Variants in CACNA2D2 observed in about 807,000 individuals in gnomAD.
The protein encoded by CACNA2D2 is voltage-dependent calcium channel subunit alpha-2/delta-2.
CACNA2D2 carries 48 observed loss-of-function variants against 166.4 expected under a neutral mutation model. The observed-to-expected ratio is 0.29, with a 90% CI of 0.23 to 0.37. The LOEUF (loss-of-function observed/expected upper bound fraction) is 0.37, where lower values mean the gene tolerates loss of function less well. Ranked by LOEUF, CACNA2D2 falls within the 10% of genes least tolerant of loss-of-function variation. CACNA2D2 has a pLI of 1.00. For synonymous variants in CACNA2D2, 561 were observed against 573.7 expected, an observed-to-expected ratio of 0.98 and a Z score of 0.32; for missense variants, 1,122 against 1,433.0, an observed-to-expected ratio of 0.78 and a Z score of 3.50.
chr3:50,439,261 G>A (rs1046532662), intron 2 of CACNA2D2, among the ~76,000 whole-genome samples: 5 of 152,196 alleles, frequency 3.3e-5, no homozygotes, highest in African/African-American at 1.2e-4. Context: ...CCATGCTGGA[G>A]GGGAATGAGG....
rs552316874 is a variant in CACNA2D2 at position 50,419,489 on chromosome 3, A to C, written c.405+14824T>G. Among the ~76,000 whole-genome samples the C allele has an allele frequency of 1.1e-4, 16 of 152,252 alleles. No homozygotes were observed. The East Asian group carries it at 2.7e-3, about 26-fold the overall frequency. On this transcript the variant is annotated intron_variant, in intron 3 of 37. Coordinates refer to ENST00000424201, the MANE Select transcript of CACNA2D2 (RefSeq NM_006030.4). Reference sequence around the variant, plus strand: ...CGTTGGTGACCTTGAGGCCCATGACACCAAACCTGGGCTGCTTCTCACTTG... The same window carrying C: ...CGTTGGTGACCTTGAGGCCCATGACCCCAAACCTGGGCTGCTTCTCACTTG...
chr3:50,466,788 C>A (rs941737142), intron 2 of CACNA2D2, among the ~76,000 whole-genome samples: 1 of 152,266 alleles, frequency 6.6e-6, no homozygotes. Flanking sequence ...CATGACCCTG[C>A]CTTCCGGCCA....
At position 50,465,446 on chromosome 3, in the gene CACNA2D2, G is replaced by A. The variant is rs555136981; in HGVS notation, c.288+10672C>T. ...TCTCCCTGCACGATGATGCAGTGCA[G>A]TGGCAGGGCCAGGGGTCTTTGAGGG... is the stretch of plus-strand genomic sequence containing the variant. On this transcript the variant is annotated intron_variant, in intron 2 of 37. Transcript: ENST00000424201. Among the ~76,000 whole-genome samples, 165 of 152,326 alleles carry A rather than the reference G, an allele frequency of 1.1e-3. 3 individuals are homozygous for A. Among genetic ancestry groups the A allele is most frequent in the Non-Finnish European group, 5.0e-4 (34 of 68,034 alleles).
In CACNA2D2 at chr3:50,454,704, A is replaced by T. The variant is rs543625610; in HGVS notation, c.289-20275T>A. Among the ~76,000 whole-genome samples the T allele has an allele frequency of 1.8e-3, 267 of 151,344 alleles. 1 individual carries two copies. The highest frequency in any genetic ancestry group is 2.6e-3 in the Non-Finnish European group (177 of 67,710). On this transcript the variant is annotated intron_variant, in intron 2 of 37. Transcript: ENST00000424201. ...CTTATACTCGGTGAGCTAAAAAAAA[A>T]TTTTTTTTTTGATTGGAAAAGAGCC...
rs746572300 is a variant in CACNA2D2 at position 50,379,178 on chromosome 3, A to C, written c.1174T>G (p.Cys392Gly). The change falls in exon 12 of 38, where the codon TGC becomes GGC. Residue 392 changes from cysteine (C) to glycine (G), a missense_variant. Physicochemically the swap from Cys to Gly is radical, Grantham distance 159. Transcript: ENST00000424201. This position sits in a 1 kb window ranked among gnomAD's most constrained non-coding sequence, Gnocchi z 6.5. Reference protein sequence around the residue: ...LQNSNITRANCNKMIMMFTDG... With the variant: ...LQNSNITRANGNKMIMMFTDG... Reference sequence around the variant, plus strand: ...GTGAACATCATGATCATCTTGTTGCAGTTGGCCCGAGTGATGTTGGACTGA... The same window carrying C: ...GTGAACATCATGATCATCTTGTTGCCGTTGGCCCGAGTGATGTTGGACTGA... The C allele has an allele frequency of 6.2e-7, 1 of 1,613,872 alleles. No individual in the cohort carries two copies. Among genetic ancestry groups the C allele is most frequent in the Non-Finnish European group, 8.5e-7 (1 of 1,179,898 alleles).
intron 2 of CACNA2D2, among the ~76,000 whole-genome samples, chr3:50,444,262 C>T (rs1708740202): frequency 6.6e-6 from 1 of 152,196 alleles, no homozygotes; most frequent in South Asian, 2.1e-4. Context: ...AGCTGGCTGG[C>T]TTTTCATCTT....
chr3:50,410,767 T>C (rs1462712463), intron 3 of CACNA2D2, among the ~76,000 whole-genome samples: 1 of 152,244 alleles, frequency 6.6e-6, no homozygotes, highest in Non-Finnish European at 1.5e-5. Flanking sequence ...AACAAGGTGA[T>C]GTCAGAGGTC....
At chr3:50,499,728 G>A (rs1200914434) in intron 1 of CACNA2D2, among the ~76,000 whole-genome samples, 1 of 152,244 alleles carries the variant, frequency 6.6e-6, no homozygotes, top group Non-Finnish European at 1.5e-5. Context: ...TCTCCATGGG[G>A]ACATGAGTGT....
chr3:50,473,869 AGAG>A (rs1167548008), intron 2 of CACNA2D2, among the ~76,000 whole-genome samples: 7 of 152,242 alleles, frequency 4.6e-5, no homozygotes, highest in Admixed American at 4.6e-4. Flanking sequence ...CTGAAGAAGC[AGAG>A]GAGGAAAACT....
At position 50,375,026 on chromosome 3, in the gene CACNA2D2, C is replaced by A. The variant is rs1203737459; in HGVS notation, c.1908-213G>T. On this transcript the variant is annotated intron_variant, in intron 21 of 37. Coordinates refer to ENST00000424201, the MANE Select transcript of CACNA2D2 (RefSeq NM_006030.4). The surrounding 1 kb of genome is among the most constrained non-coding windows in gnomAD (Gnocchi z 4.0). Reference sequence around the variant, plus strand: ...CTTCTCAAACTCTCCTGGGGGCCACCGGGCAACCAGCCCCAAAGCAAATCC... The same window carrying A: ...CTTCTCAAACTCTCCTGGGGGCCACAGGGCAACCAGCCCCAAAGCAAATCC... Among the ~76,000 whole-genome samples, 1 of 152,138 alleles carries A rather than the reference C, an allele frequency of 6.6e-6. No individual in the cohort carries two copies. Among genetic ancestry groups the A allele is most frequent in the East Asian group, 1.9e-4 (1 of 5,184 alleles).
intron 3 of CACNA2D2, among the ~76,000 whole-genome samples, chr3:50,405,430 G>A (rs892664776): frequency 6.6e-6 from 1 of 152,172 alleles, no homozygotes; most frequent in Non-Finnish European, 1.5e-5. Flanking sequence ...CAGCTTGGGC[G>A]AAGACTTTCA....
intron 1 of CACNA2D2, among the ~76,000 whole-genome samples, chr3:50,498,653 G>A (rs143998385): frequency 5.2e-4 from 79 of 152,318 alleles, no homozygotes; most frequent in African/African-American, 1.8e-3. Flanking sequence ...GGCTGGCAAG[G>A]CAGCTTCATG....
At chr3:50,423,775 G>A (rs1235537504) in intron 3 of CACNA2D2, among the ~76,000 whole-genome samples, 1 of 152,244 alleles carries the variant, frequency 6.6e-6, no homozygotes, top group Non-Finnish European at 1.5e-5. Flanking sequence ...TCAAACAAGG[G>A]CCCCCAGGCC....
chr3:50,409,284 C>G (rs754463044), intron 3 of CACNA2D2, among the ~76,000 whole-genome samples: 65 of 152,234 alleles, frequency 4.3e-4, no homozygotes, highest in Non-Finnish European at 7.1e-4. Flanking sequence ...AGACAACACC[C>G]TGGAAGTGGA....
Position 50,365,409 on chromosome 3 carries a change from G to C in CACNA2D2, c.3045C>G (p.Phe1015Leu). ...CGTTGTAGGAGGCGTTTACCGAGCCGAAGTAGTACTGGGTCTGTTTCATGA... is the reference window on the plus strand; with the variant it reads ...CGTTGTAGGAGGCGTTTACCGAGCCCAAGTAGTACTGGGTCTGTTTCATGA... ...SCVMKQTQYYFGSVNASYNAI... is the reference protein window; with the variant it reads ...SCVMKQTQYYLGSVNASYNAI... Residue 1015 changes from phenylalanine (F) to leucine (L), a missense_variant, in exon 35 of 38, where the codon TTC (phenylalanine) becomes TTG (leucine). Transcript: ENST00000424201. The surrounding 1 kb of genome is among the most constrained non-coding windows in gnomAD (Gnocchi z 4.5). 6.2e-7 allele frequency: 1 copy of C among 1,613,656 alleles called. No homozygotes were observed. Among genetic ancestry groups the C allele is most frequent in the Non-Finnish European group, 8.5e-7 (1 of 1,179,856 alleles).
At chr3:50,369,655 C>T (rs587708372) in intron 23 of CACNA2D2, among the ~76,000 whole-genome samples, 1 of 152,360 alleles carries the variant, frequency 6.6e-6, no homozygotes, top group South Asian at 2.1e-4. Flanking sequence ...GCTTCAGCAC[C>T]CAGGGGACCC....
chr3:50,382,330 C>G (rs1451163601), intron 6 of CACNA2D2, among the ~76,000 whole-genome samples: 2 of 152,206 alleles, frequency 1.3e-5, no homozygotes, highest in Admixed American at 1.3e-4. Context: ...AAAAATCTAC[C>G]TCAAGTGAGC....
chr3:50,392,329 C>T (rs1309277448), intron 4 of CACNA2D2, among the ~76,000 whole-genome samples: 1 of 152,198 alleles, frequency 6.6e-6, no homozygotes, highest in Non-Finnish European at 1.5e-5. Flanking sequence ...TGCCTTTCAG[C>T]CTGGCAGCTG....
At position 50,365,205 on chromosome 3, in the gene CACNA2D2, C is replaced by G; in HGVS notation, c.3099-21G>C. ...ACAGCCTGCGGGCAGCCCGGAAAGG[C>G]GGGGCGTTGAGTTTGCCCCGCCCTG... On this transcript the variant is annotated intron_variant, in intron 35 of 37. Coordinates refer to ENST00000424201, the MANE Select transcript of CACNA2D2 (RefSeq NM_006030.4). This position sits in a 1 kb window ranked among gnomAD's most constrained non-coding sequence, Gnocchi z 4.5. 3 of 1,610,602 alleles carry G rather than the reference C, an allele frequency of 1.9e-6. No individual in the cohort carries two copies. Among genetic ancestry groups the G allele is most frequent in the Non-Finnish European group, 2.5e-6 (3 of 1,178,860 alleles).
Sources: allele counts gnomAD v4.1 joint callset (sites outside exome capture counted in the v4.1 genomes callset), GRCh38; gene constraint gnomAD v4.1.1; non-coding constraint Gnocchi (gnomAD v3.1); transcripts MANE v1.5; gene names NCBI Gene and HGNC (gene_info 2026-07-23, HGNC 2026-07-21).